KCNH5: variants seen among roughly 807,000 people sequenced by gnomAD.
KCNH5 encodes the protein potassium voltage-gated channel subfamily H member 5, also known as voltage-gated delayed rectifier potassium channel KCNH5.
In KCNH5, 46 loss-of-function variants were observed where a neutral mutation model predicts 96.1. The observed-to-expected ratio is 0.48, with a 90% confidence interval of 0.38 to 0.61. The LOEUF (loss-of-function observed/expected upper bound fraction) is 0.61. KCNH5 is among the 20% of genes least tolerant of loss of function. KCNH5 has a pLI of 0.00. For missense variants in KCNH5, 907 were observed against 1,225.8 expected (o/e 0.74, Z 3.88); for synonymous variants, 439 against 449.8 (o/e 0.98, Z 0.30).
intron 7 of KCNH5, among the ~76,000 whole-genome samples, chr14:62,943,512 G>C (rs1247150261): frequency 1.3e-5 from 2 of 152,092 alleles, no homozygotes; most frequent in Non-Finnish European, 2.9e-5. Flanking sequence ...CTTCATGAAG[G>C]CATCATTAAG....
intron 10 of KCNH5, among the ~76,000 whole-genome samples, chr14:62,753,925 A>T (rs1046631385): frequency 6.6e-6 from 1 of 152,222 alleles, no homozygotes; most frequent in Admixed American, 6.5e-5. Flanking sequence ...TAGTAATAGT[A>T]AGTACACAGA....
intron 10 of KCNH5, among the ~76,000 whole-genome samples, chr14:62,760,752 T>G (rs1885729577): frequency 6.6e-6 from 1 of 152,224 alleles, no homozygotes; most frequent in Non-Finnish European, 1.5e-5. Context: ...TTGCTTCATT[T>G]GATTCCTTTA....
intron 7 of KCNH5, among the ~76,000 whole-genome samples, chr14:62,933,146 C>T (rs1217089576): frequency 6.6e-6 from 1 of 151,852 alleles, no homozygotes; most frequent in Admixed American, 6.6e-5. Context: ...AAGAGCCCTC[C>T]AGAGATAAAA....
At chr14:62,782,225 A>T (rs1886234275) in intron 9 of KCNH5, among the ~76,000 whole-genome samples, 1 of 152,142 alleles carries the variant, frequency 6.6e-6, no homozygotes, top group Admixed American at 6.6e-5. Flanking sequence ...GTGAGATTAC[A>T]CATTCTTTGC....
intron 7 of KCNH5, among the ~76,000 whole-genome samples, chr14:62,929,230 A>G (rs750650921): frequency 5.3e-5 from 8 of 151,926 alleles, no homozygotes; most frequent in Non-Finnish European, 7.4e-5. Flanking sequence ...CTGTCAGCAA[A>G]TCTTGTTGGC....
Position 63,017,021 on chromosome 14 carries a change from T to C in KCNH5, c.74-67A>G. ...TCAACAATGCACTTATTTCAAGTAA[T>C]CAAAAAGGCAAACTTATAAAGATGG... On this transcript the variant is annotated intron_variant, in intron 1 of 10. Transcript: ENST00000322893. The C allele has an allele frequency of 2.7e-6, 4 of 1,473,328 alleles. No homozygotes were observed. The South Asian group carries it at 5.3e-5, about 20-fold the overall frequency. 91.3% of individuals were successfully genotyped at this position (1,473,328 alleles called of 1,614,324 possible). A position where few individuals can be genotyped will look rare whatever the true frequency, so the allele number is the denominator to read the frequency against.
intron 10 of KCNH5, among the ~76,000 whole-genome samples, chr14:62,735,742 G>A (rs1053325215): frequency 3.3e-5 from 5 of 152,164 alleles, no homozygotes; most frequent in African/African-American, 1.2e-4. Flanking sequence ...CATCTTCAAT[G>A]TCACTTCATT....
chr14:62,936,829 A>G (rs913107876), intron 7 of KCNH5, among the ~76,000 whole-genome samples: 33 of 151,694 alleles, frequency 2.2e-4, no homozygotes, highest in African/African-American at 7.8e-4. Context: ...TCCAAAAACA[A>G]CATTAGCCAG....
At chr14:62,992,433 A>C (rs538086413) in intron 4 of KCNH5, among the ~76,000 whole-genome samples, 1 of 152,082 alleles carries the variant, frequency 6.6e-6, no homozygotes, top group Non-Finnish European at 1.5e-5. Flanking sequence ...ACTAACCTAC[A>C]TTCCCACCAA....
intron 6 of KCNH5, among the ~76,000 whole-genome samples, chr14:62,960,873 G>A (rs1369852625): frequency 6.6e-6 from 1 of 152,112 alleles, no homozygotes; most frequent in Non-Finnish European, 1.5e-5. Context: ...CATAAAACCT[G>A]TATTAGCCAA....
intron 7 of KCNH5, among the ~76,000 whole-genome samples, chr14:62,930,420 G>A (rs1414532475): frequency 1.3e-5 from 2 of 152,122 alleles, no homozygotes; most frequent in Non-Finnish European, 2.9e-5. Context: ...AGATCATACT[G>A]TATAAACCTA....
intron 8 of KCNH5, among the ~76,000 whole-genome samples, 166 bp downstream of exon 8, chr14:62,849,487 A>C (rs1419553756): frequency 6.6e-6 from 1 of 152,214 alleles, no homozygotes; most frequent in Non-Finnish European, 1.5e-5. Context: ...AGTGCTTTGC[A>C]CCTTCTAAGC....
intron 10 of KCNH5, among the ~76,000 whole-genome samples, chr14:62,758,300 T>C (rs564367541): frequency 6.6e-6 from 1 of 152,204 alleles, no homozygotes; most frequent in African/African-American, 2.4e-5. Flanking sequence ...CTTGAGGAGA[T>C]AGATACCCCA....
At chr14:63,002,125 C>A (rs1009004292) in intron 3 of KCNH5, among the ~76,000 whole-genome samples, 4 of 152,110 alleles carry the variant, frequency 2.6e-5, no homozygotes, top group Admixed American at 1.3e-4. Context: ...GTGTCCCCAG[C>A]TTTTGAGATC....
intron 10 of KCNH5, among the ~76,000 whole-genome samples, chr14:62,726,185 A>T (rs1884921269): frequency 6.6e-6 from 1 of 152,234 alleles, no homozygotes; most frequent in African/African-American, 2.4e-5. Context: ...ATACGTAAAA[A>T]AACATAAAGC....
chr14:62,834,315 T>G lies in KCNH5; in HGVS notation c.1569+15338A>C, dbSNP rs982364773. Among the ~76,000 whole-genome samples the G allele has an allele frequency of 2.0e-5, 3 of 152,036 alleles. No homozygotes were observed. The South Asian group carries it at 6.2e-4, about 31-fold the overall frequency. ...CCTTATTAATGGCTCCAAATTTATG[T>G]GTCTTTCTGAACTCCAGAATTACAT... is the stretch of plus-strand genomic sequence containing the variant. On this transcript the variant is annotated intron_variant, in intron 8 of 10. Transcript: ENST00000322893.
chr14:62,966,132 A>C (rs868283927), intron 6 of KCNH5, among the ~76,000 whole-genome samples: 1 of 152,282 alleles, frequency 6.6e-6, no homozygotes, highest in Middle Eastern at 3.4e-3. Flanking sequence ...TTTTCCTGAC[A>C]CAATTACCCA....
intron 7 of KCNH5, among the ~76,000 whole-genome samples, chr14:62,891,782 A>G (rs185048563): frequency 2.1e-4 from 32 of 152,262 alleles, no homozygotes; most frequent in Non-Finnish European, 3.5e-4. Flanking sequence ...AAATGTTTTC[A>G]TTATTATCAT....
At chr14:63,037,269 A>C (rs1376348769) in intron 1 of KCNH5, among the ~76,000 whole-genome samples, 4 of 152,020 alleles carry the variant, frequency 2.6e-5, no homozygotes, top group African/African-American at 9.7e-5. Flanking sequence ...CAGAGCCAGG[A>C]CTCTAATACA....
Sources: allele counts gnomAD v4.1 joint callset (sites outside exome capture counted in the v4.1 genomes callset), GRCh38; gene constraint gnomAD v4.1.1; transcripts MANE v1.5; gene names NCBI Gene and HGNC (gene_info 2026-07-23, HGNC 2026-07-21).